The following PXMP2 variants were observed in gnomAD, a reference collection of about 807,000 sequenced individuals.
PXMP2 encodes peroxisomal membrane protein 2, also known as 22 kDa peroxisomal membrane protein.
A neutral mutation model predicts 20.2 loss-of-function variants in PXMP2; 13 were observed. The observed-to-expected ratio is 0.64, with a 90% CI of 0.42 to 1.02. The LOEUF (loss-of-function observed/expected upper bound fraction) is 1.02, where lower values mean the gene tolerates loss of function less well. PXMP2 is among the 50% of genes least tolerant of loss of function. The pLI is 0.00. For synonymous variants in PXMP2, 113 were observed against 111.2 expected (o/e 1.02, Z -0.10); for missense variants, 284 against 251.8 (o/e 1.13, Z -0.87).
intron 1 of PXMP2, among the ~76,000 whole-genome samples, chr12:132,689,979 A>G (rs1275887502): frequency 2.6e-5 from 4 of 152,222 alleles, no homozygotes; most frequent in Non-Finnish European, 4.4e-5. Context: ...TTGCCCGTTC[A>G]TAACCACACA....
At chr12:132,694,224 C>T (rs2043393349) in intron 2 of PXMP2, among the ~76,000 whole-genome samples, 1 of 114,504 alleles carries the variant, frequency 8.7e-6, no homozygotes, top group African/African-American at 3.2e-5. Flanking sequence ...AGTGAGCTCC[C>T]TTAGCCAGTT....
Position 132,704,765 on chromosome 12 carries a change from C to G in PXMP2, c.*78C>G. 7.3e-7 allele frequency: 1 copy of G among 1,367,810 alleles called. No individual in the cohort carries two copies. Among genetic ancestry groups the G allele is most frequent in the Non-Finnish European group, 1.0e-6 (1 of 961,362 alleles). 84.7% of individuals were successfully genotyped at this position (1,367,810 alleles called of 1,614,324 possible). Reference sequence around the variant, plus strand: ...CCCGCCCAGCGAGAGCAGAACCAATCCAGTCAGGATGTCACTGACTCTAAA... The same window carrying G: ...CCCGCCCAGCGAGAGCAGAACCAATGCAGTCAGGATGTCACTGACTCTAAA... On this transcript the variant is annotated 3_prime_UTR_variant, in exon 5 of 5. Coordinates refer to ENST00000317479, the MANE Select transcript of PXMP2 (RefSeq NM_018663.3).
At position 132,701,283 on chromosome 12, in the gene PXMP2, A is replaced by AG. The variant is rs529562240; in HGVS notation, c.440dup (p.Phe148LeufsTer93). 2.8e-3 allele frequency: 4,509 copies of AG among 1,612,584 alleles called. 41 individuals are homozygous for AG. Among genetic ancestry groups the AG allele is most frequent in the South Asian group, 0.017 (1,568 of 90,968 alleles). ...CGCCTCAGCCTTCGCCGCCAAGATG[A>AG]GGGGGGGCTTCTGGCCGGCGCTGAG... On this transcript the variant is annotated frameshift_variant, in exon 4 of 5. Transcript: ENST00000317479. LOFTEE classifies it high-confidence loss of function.
chr12:132,687,780 A>G lies in PXMP2; in HGVS notation c.110A>G (p.Lys37Arg). ...LFLRLYPVLTKAATSGILSAL... is the reference protein window; with the variant it reads ...LFLRLYPVLTRAATSGILSAL... ...CTGCGGCTCTACCCGGTGCTCACCAAGGCGGCCACCAGGTGAGCGGGGGCG... is the reference window on the plus strand; with the variant it reads ...CTGCGGCTCTACCCGGTGCTCACCAGGGCGGCCACCAGGTGAGCGGGGGCG... The change falls in exon 1 of 5, where the codon AAG becomes AGG. Residue 37 changes from lysine (K) to arginine (R), a missense_variant. Physicochemically the swap from Lys to Arg is conservative, Grantham distance 26. Coordinates refer to ENST00000317479, the MANE Select transcript of PXMP2 (RefSeq NM_018663.3). 1 of 1,172,922 alleles carries G rather than the reference A, an allele frequency of 8.5e-7. No individual in the cohort carries two copies. Among genetic ancestry groups the G allele is most frequent in the Admixed American group, 4.6e-5 (1 of 21,764 alleles). 72.7% of individuals were successfully genotyped at this position (1,172,922 alleles called of 1,614,324 possible).
At chr12:132,700,379 G>C (rs747531477) in intron 3 of PXMP2, among the ~76,000 whole-genome samples, 1 of 152,098 alleles carries the variant, frequency 6.6e-6, no homozygotes, top group African/African-American at 2.4e-5. Flanking sequence ...ATTCTGACTC[G>C]CGTGAGGTGG....
intron 2 of PXMP2, among the ~76,000 whole-genome samples, chr12:132,690,615 G>A (rs150755242): frequency 6.6e-6 from 1 of 151,892 alleles, no homozygotes; most frequent in Non-Finnish European, 1.5e-5. Context: ...CTGTCACCCA[G>A]GCTTACTGCA....
intron 3 of PXMP2, among the ~76,000 whole-genome samples, chr12:132,699,548 T>TTTG (rs60421428): frequency 5.6e-5 from 6 of 107,460 alleles, no homozygotes; most frequent in African/African-American, 1.9e-4. Flanking sequence ...TTTTTTTTTT[T>TTTG]GACACAGAGT....
At chr12:132,701,170 T>C in intron 3 of PXMP2, 80 bp from the exon 4 acceptor site, 1 of 1,574,566 alleles carries the variant, frequency 6.4e-7, no homozygotes, top group Non-Finnish European at 8.7e-7. Flanking sequence ...TTAAAAACCA[T>C]CACGATAGGG....
intron 1 of PXMP2, among the ~76,000 whole-genome samples, chr12:132,688,352 A>T: frequency 5.6e-5 from 2 of 35,436 alleles, no homozygotes; most frequent in African/African-American, 8.7e-5. Context: ...GCGGGTCCTC[A>T]TGGAGCGTGT....
intron 3 of PXMP2, among the ~76,000 whole-genome samples, chr12:132,700,625 ACTGT>A (rs1565993279): frequency 3.3e-5 from 5 of 152,026 alleles, no homozygotes; most frequent in South Asian, 2.1e-4. Flanking sequence ...CAGGCTGTAG[ACTGT>A]CTGTTGATTG....
In PXMP2 at chr12:132,704,673, T is replaced by G; in HGVS notation, c.574T>G (p.Ser192Ala). The change falls in exon 5 of 5, where the codon TCC (serine) becomes GCC (alanine). Residue 192 changes from serine (S) to alanine (A), a missense_variant. Ser to Ala is a moderately conservative substitution (Grantham distance 99). Coordinates refer to ENST00000317479, the MANE Select transcript of PXMP2 (RefSeq NM_018663.3). ...TCTGTTCTGGTATGCCTACCTGGCC[T>G]CCTTGGGGAAGTGACGACCGCTGGG... ...AALFWYAYLA[S>A]LGK The G allele has an allele frequency of 1.9e-6, 3 of 1,556,998 alleles. No homozygotes were observed. The highest frequency in any genetic ancestry group is 2.4e-5 in the East Asian group (1 of 42,112).
intron 1 of PXMP2, among the ~76,000 whole-genome samples, 166 bp from the exon 2 acceptor site, chr12:132,690,097 C>T (rs556072482): frequency 4.7e-4 from 71 of 152,348 alleles, no homozygotes; most frequent in Non-Finnish European, 8.4e-4. Flanking sequence ...AGTCCACCGT[C>T]TCCACCTTTT....
intron 3 of PXMP2, among the ~76,000 whole-genome samples, chr12:132,697,393 T>TTTTATTTA (rs139781321): frequency 0.31 from 46,722 of 149,964 alleles, 8,341 homozygotes; most frequent in Non-Finnish European, 0.41. Flanking sequence ...TGTAGTCCTA[T>TTTTATTTA]TTTATTTATT....
At chr12:132,702,239 C>G (rs1018577236) in intron 4 of PXMP2, among the ~76,000 whole-genome samples, 3 of 152,250 alleles carry the variant, frequency 2.0e-5, no homozygotes, top group Admixed American at 6.5e-5. Context: ...GGCAGCCACA[C>G]CTGGGCAAGG....
At chr12:132,695,832 A>G (rs1407404835) in intron 2 of PXMP2, 52 bp from the exon 3 acceptor site, 1 of 1,547,452 alleles carries the variant, frequency 6.5e-7, no homozygotes, top group East Asian at 2.3e-5. Flanking sequence ...TAGACCAGAG[A>G]AGAGCACATC....
At position 132,704,792 on chromosome 12, in the gene PXMP2, C is replaced by G. The variant is rs1280546429; in HGVS notation, c.*105C>G. 8.1e-6 allele frequency: 9 copies of G among 1,105,356 alleles called. No individual in the cohort carries two copies. Among genetic ancestry groups the G allele is most frequent in the Admixed American group, 7.3e-5 (4 of 55,106 alleles). The allele number at this position is 1,105,356 out of a possible 1,614,324, so 68.5% of individuals were successfully genotyped here. A position where few individuals can be genotyped will look rare whatever the true frequency, so the allele number is the denominator to read the frequency against. ...AGTCAGGATGTCACTGACTCTAAAT[C>G]AGGTGATTCAAGATGCCCAAAAATG... On this transcript the variant is annotated 3_prime_UTR_variant, in exon 5 of 5. Transcript: ENST00000317479.
intron 2 of PXMP2, among the ~76,000 whole-genome samples, chr12:132,691,779 C>G (rs939419273): frequency 6.6e-6 from 1 of 152,220 alleles, no homozygotes; most frequent in Non-Finnish European, 1.5e-5. Context: ...ACACTGAGAA[C>G]CACTTATCTA....
In PXMP2 at chr12:132,696,237, A is replaced by G; in HGVS notation, c.399+191A>G. ...TGTTTGTACCCAGTAGAGTCACTTT[A>G]TTTATTTATTTATTTAAAGACAGGG... On this transcript the variant is annotated intron_variant, in intron 3 of 4. Coordinates refer to ENST00000317479, the MANE Select transcript of PXMP2 (RefSeq NM_018663.3). The surrounding 1 kb of genome is among the most constrained non-coding windows in gnomAD (Gnocchi z 4.4). Among the ~76,000 whole-genome samples the G allele has an allele frequency of 6.6e-6, 1 of 151,944 alleles. No individual in the cohort carries two copies. Among genetic ancestry groups the G allele is most frequent in the Non-Finnish European group, 1.5e-5 (1 of 67,956 alleles).
intron 3 of PXMP2, among the ~76,000 whole-genome samples, chr12:132,697,493 T>C (rs2043416945): frequency 1.3e-5 from 2 of 151,742 alleles, no homozygotes; most frequent in African/African-American, 4.8e-5. Flanking sequence ...CTGCAACCTC[T>C]GCCTCCCGGG....
Sources: gnomAD v4.1 joint callset for allele counts (sites outside exome capture counted in the v4.1 genomes callset) on GRCh38, gnomAD v4.1.1 for gene constraint, Gnocchi (gnomAD v3.1) non-coding constraint, MANE v1.5 for transcripts, NCBI Gene and HGNC (gene_info 2026-07-23, HGNC 2026-07-21) for gene names.